Variants in ADAMTSL1 observed in about 807,000 individuals in gnomAD.
ADAMTSL1 encodes the protein ADAMTS-like protein 1.
ADAMTSL1 carries 126 observed loss-of-function variants against 201.8 expected under a neutral mutation model. The observed-to-expected ratio is 0.62, with a 90% CI of 0.54 to 0.72. The LOEUF (loss-of-function observed/expected upper bound fraction) is 0.72, where lower values mean the gene tolerates loss of function less well. Ranked by LOEUF, ADAMTSL1 falls within the 30% of genes least tolerant of loss-of-function variation. ADAMTSL1 has a pLI of 0.00. For missense variants in ADAMTSL1, 2,679 were observed against 2,277.8 expected, an observed-to-expected ratio of 1.18 and a Z score of -3.59; for synonymous variants, 1,121 against 903.4, an observed-to-expected ratio of 1.24 and a Z score of -4.32.
chr9:18,373,609 T>G (rs539297822), intron 2 of ADAMTSL1, among the ~76,000 whole-genome samples: 1 of 152,194 alleles, frequency 6.6e-6, no homozygotes, highest in Non-Finnish European at 1.5e-5. Flanking sequence ...ACAGGGGCTC[T>G]TCTAAACCCA....
At chr9:18,103,320 T>C (rs2131854930) in intron 1 of ADAMTSL1, among the ~76,000 whole-genome samples, 1 of 152,334 alleles carries the variant, frequency 6.6e-6, no homozygotes, top group Non-Finnish European at 1.5e-5. Flanking sequence ...TAGGACTTTT[T>C]AAGTTTATTA....
intron 2 of ADAMTSL1, among the ~76,000 whole-genome samples, chr9:18,407,237 G>A (rs1818244112): frequency 6.6e-6 from 1 of 152,192 alleles, no homozygotes; most frequent in Non-Finnish European, 1.5e-5. Context: ...AGACATTTGA[G>A]CTAAATTGAA....
Position 18,822,975 on chromosome 9 carries a change from A to C in ADAMTSL1, c.3935-3309A>C, listed in dbSNP as rs149217826. ...CATCTCCTGAGAGAAAAAGAAAAAA[A>C]AACTTTATAACACCTCAATTATTGT... On this transcript the variant is annotated intron_variant, in intron 21 of 28. Transcript: ENST00000380548. 8.4e-4 allele frequency among the ~76,000 whole-genome samples: 128 copies of C among 152,312 alleles called. 1 individual carries two copies. In the South Asian group the frequency reaches 0.011, roughly 13 times the overall value.
At chr9:18,855,059 C>G (rs1826753220) in intron 23 of ADAMTSL1, among the ~76,000 whole-genome samples, 1 of 152,112 alleles carries the variant, frequency 6.6e-6, no homozygotes, top group South Asian at 2.1e-4. Context: ...TTCTTTTGCA[C>G]TTCTACTCTG....
chr9:18,860,042 G>C (rs993507947), intron 23 of ADAMTSL1, among the ~76,000 whole-genome samples: 3 of 152,218 alleles, frequency 2.0e-5, no homozygotes, highest in African/African-American at 7.2e-5. Context: ...TGGAAAGAGA[G>C]ACATTCAGAT....
At position 18,548,701 on chromosome 9, in the gene ADAMTSL1, T is replaced by C. The variant is rs375954073; in HGVS notation, c.237+15409T>C. Reference sequence around the variant, plus strand: ...TTTTCTAGAACGTAAGTGACACAAATAATGAGTATTGACTTTATGTTGAAA... The same window carrying C: ...TTTTCTAGAACGTAAGTGACACAAACAATGAGTATTGACTTTATGTTGAAA... On this transcript the variant is annotated intron_variant, in intron 3 of 28. Coordinates refer to ENST00000380548, the MANE Select transcript of ADAMTSL1 (RefSeq NM_001040272.6). Among the ~76,000 whole-genome samples, 4 of 152,192 alleles carry C rather than the reference T, an allele frequency of 2.6e-5. No homozygotes were observed. In the South Asian group the frequency reaches 8.3e-4, roughly 32 times the overall value.
At position 18,017,115 on chromosome 9, in the gene ADAMTSL1, A is replaced by G. The variant is rs781351862; in HGVS notation, c.87+110193A>G. ...ATTCCAGATAGATCAGATTTTGCACAAAAGATTAAACCTATTTTCCATCTC... is the reference window on the plus strand; with the variant it reads ...ATTCCAGATAGATCAGATTTTGCACGAAAGATTAAACCTATTTTCCATCTC... On this transcript the variant is annotated intron_variant, in intron 1 of 29. Coordinates refer to the ADAMTSL1 transcript ENST00000680146. Among the ~76,000 whole-genome samples the G allele has an allele frequency of 2.6e-5, 4 of 152,172 alleles. No homozygotes were observed. The South Asian group carries it at 8.3e-4, about 32-fold the overall frequency.
At chr9:18,158,596 G>C (rs143544240) in intron 1 of ADAMTSL1, among the ~76,000 whole-genome samples, 239 of 152,002 alleles carry the variant, frequency 1.6e-3, no homozygotes, top group African/African-American at 5.6e-3. Context: ...CTGAAATCTG[G>C]TAAACTCAAT....
At chr9:18,583,432 C>A (rs1157795020) in intron 4 of ADAMTSL1, among the ~76,000 whole-genome samples, 1 of 152,196 alleles carries the variant, frequency 6.6e-6, no homozygotes, top group East Asian at 1.9e-4. Context: ...TATGGAAATA[C>A]CTGAATGCCC....
chr9:18,221,681 A>G (rs1830264844), intron 2 of ADAMTSL1, among the ~76,000 whole-genome samples: 1 of 152,116 alleles, frequency 6.6e-6, no homozygotes, highest in Non-Finnish European at 1.5e-5. Context: ...CTTCTTATTT[A>G]GAAGTATGTT....
At chr9:17,984,173 T>C (rs1447861959) in intron 1 of ADAMTSL1, among the ~76,000 whole-genome samples, 3 of 152,154 alleles carry the variant, frequency 2.0e-5, no homozygotes, top group African/African-American at 7.2e-5. Flanking sequence ...GTGATTTTTC[T>C]TTCTTTTTCA....
At chr9:18,062,565 T>A (rs1210283144) in intron 1 of ADAMTSL1, among the ~76,000 whole-genome samples, 8 of 151,902 alleles carry the variant, frequency 5.3e-5, no homozygotes, top group Admixed American at 4.6e-4. Flanking sequence ...TAACTGTAAA[T>A]GAAATAAAGA....
intron 4 of ADAMTSL1, among the ~76,000 whole-genome samples, chr9:18,592,982 T>C (rs1383319131): frequency 6.6e-6 from 1 of 152,200 alleles, no homozygotes; most frequent in Non-Finnish European, 1.5e-5. Context: ...GTAGCTATTG[T>C]AAATGAGATT....
intron 7 of ADAMTSL1, among the ~76,000 whole-genome samples, chr9:18,648,230 C>G (rs1414215350): frequency 7.2e-6 from 1 of 139,506 alleles, no homozygotes; most frequent in Non-Finnish European, 1.6e-5. Context: ...TTTTGTTTTC[C>G]ATTTGCTTGG....
At chr9:18,021,241 C>T (rs1210949209) in intron 1 of ADAMTSL1, among the ~76,000 whole-genome samples, 2 of 152,072 alleles carry the variant, frequency 1.3e-5, no homozygotes, top group Non-Finnish European at 2.9e-5. Context: ...GCACTTTTGG[C>T]AAGAGTTACT....
chr9:18,362,063 T>G (rs1490212546), intron 2 of ADAMTSL1: 2 of 152,206 alleles, frequency 1.3e-5, no homozygotes, highest in Non-Finnish European at 2.9e-5. Flanking sequence ...ATGTGGGTAC[T>G]GAACATTAGT....
intron 1 of ADAMTSL1, among the ~76,000 whole-genome samples, chr9:18,110,267 G>T (rs1030982102): frequency 3.9e-5 from 6 of 152,092 alleles, no homozygotes; most frequent in Non-Finnish European, 7.4e-5. Context: ...TCAGCTCTCT[G>T]GCATCTCAAG....
intron 2 of ADAMTSL1, among the ~76,000 whole-genome samples, chr9:18,200,289 A>G (rs1207851485): frequency 1.3e-5 from 2 of 151,986 alleles, no homozygotes; most frequent in Non-Finnish European, 2.9e-5. Flanking sequence ...AAAAATTTGT[A>G]CACAAGTCAG....
At chr9:18,708,432 C>G (rs766521493) in intron 14 of ADAMTSL1, among the ~76,000 whole-genome samples, 1 of 152,168 alleles carries the variant, frequency 6.6e-6, no homozygotes, top group Admixed American at 6.5e-5. Context: ...CAAATGATTC[C>G]GGAAGACAGT....
Sources: gnomAD v4.1 joint callset for allele counts (sites outside exome capture counted in the v4.1 genomes callset) on GRCh38, gnomAD v4.1.1 for gene constraint, MANE v1.5 for transcripts, NCBI Gene and HGNC (gene_info 2026-07-23, HGNC 2026-07-21) for gene names.